Variants in SHANK2 observed in about 807,000 individuals in gnomAD.
The protein encoded by SHANK2 is SH3 and multiple ankyrin repeat domains 2.
SHANK2 carries 43 observed loss-of-function variants against 133.7 expected under a neutral mutation model. The ratio of observed to expected loss-of-function variants is 0.32; its 90% CI spans 0.25 to 0.41. The LOEUF (loss-of-function observed/expected upper bound fraction) is 0.41, where lower values mean the gene tolerates loss of function less well. SHANK2 is among the 10% of genes least tolerant of loss of function. The pLI is 1.00. For synonymous variants in SHANK2, 1,017 were observed against 952.8 expected (o/e 1.07, Z -1.24); for missense variants, 1,994 against 2,235.8 (o/e 0.89, Z 2.18).
intron 3 of SHANK2, among the ~76,000 whole-genome samples, chr11:71,123,342 A>C (rs1952113933): frequency 6.6e-6 from 1 of 152,238 alleles, no homozygotes; most frequent in Admixed American, 6.5e-5. Flanking sequence ...ACTGTCACAC[A>C]ATATGGAAAA....
At chr11:71,139,910 G>A (rs1173437838) in intron 3 of SHANK2, among the ~76,000 whole-genome samples, 1 of 152,224 alleles carries the variant, frequency 6.6e-6, no homozygotes, top group Non-Finnish European at 1.5e-5. Flanking sequence ...TCGGCCAGCA[G>A]CAGTGGGCCC....
chr11:70,547,505 C>T (rs2059710374), intron 17 of SHANK2, among the ~76,000 whole-genome samples: 1 of 152,168 alleles, frequency 6.6e-6, no homozygotes, highest in African/African-American at 2.4e-5. Flanking sequence ...GGGTGATCCA[C>T]CCACCTCACC....
intron 2 of SHANK2, among the ~76,000 whole-genome samples, chr11:71,171,134 T>TA (rs1172895000): frequency 6.6e-6 from 1 of 152,188 alleles, no homozygotes. Context: ...TCTCTTCTTC[T>TA]AGGTGCACTG....
At chr11:70,666,998 G>C (rs1267929840) in intron 15 of SHANK2, among the ~76,000 whole-genome samples, 1 of 152,032 alleles carries the variant, frequency 6.6e-6, no homozygotes, top group Non-Finnish European at 1.5e-5. Flanking sequence ...AAGGTGAAGG[G>C]GGTGGGCAAC....
At chr11:70,707,049 T>C (rs532759688) in intron 14 of SHANK2, among the ~76,000 whole-genome samples, 21 of 151,480 alleles carry the variant, frequency 1.4e-4, no homozygotes, top group African/African-American at 5.1e-4. Flanking sequence ...TAAGGATGGG[T>C]TGGGAGGAGG....
At chr11:70,942,669 T>A (rs1950664436) in intron 10 of SHANK2, 1 of 456,892 alleles carries the variant, frequency 2.2e-6, no homozygotes, top group Admixed American at 2.3e-5. Flanking sequence ...GGATTTACAT[T>A]CAGGGACAGA....
At chr11:71,197,934 G>A (rs1296203728) in intron 2 of SHANK2, among the ~76,000 whole-genome samples, 4 of 152,140 alleles carry the variant, frequency 2.6e-5, no homozygotes, top group Non-Finnish European at 5.9e-5. Context: ...AGAAGGAGTC[G>A]GGCACCCTGG....
chr11:70,886,359 T>C (rs80172314), intron 11 of SHANK2, among the ~76,000 whole-genome samples: 336 of 152,336 alleles, frequency 2.2e-3, no homozygotes, highest in African/African-American at 7.9e-3. Context: ...TTGACTTTCC[T>C]TGGGAGGGTT....
intron 2 of SHANK2, among the ~76,000 whole-genome samples, chr11:71,148,583 T>G (rs1952701091): frequency 6.6e-6 from 1 of 152,082 alleles, no homozygotes; most frequent in Non-Finnish European, 1.5e-5. Context: ...GTGCGTTCTG[T>G]GGGGAAGGAC....
chr11:71,183,127 TC>T (rs11304139), intron 2 of SHANK2, among the ~76,000 whole-genome samples: 54,008 of 151,928 alleles, frequency 0.36, 9,797 homozygotes, highest in South Asian at 0.5. Context: ...GATGGGATAC[TC>T]CCACAGACAA....
chr11:70,539,773 C>T (rs79744366), intron 17 of SHANK2, among the ~76,000 whole-genome samples: 144 of 152,144 alleles, frequency 9.5e-4, no homozygotes, highest in African/African-American at 3.3e-3. Flanking sequence ...GCTTCTCTCC[C>T]GGGGGGGCCG....
At chr11:70,564,321 C>T (rs1280930893) in intron 17 of SHANK2, among the ~76,000 whole-genome samples, 2 of 151,266 alleles carry the variant, frequency 1.3e-5, no homozygotes, top group Admixed American at 6.6e-5. Context: ...TGCAGTGGTG[C>T]GATCTCAGCT....
chr11:70,808,217 T>C (rs962860577), intron 12 of SHANK2, among the ~76,000 whole-genome samples: 8 of 152,148 alleles, frequency 5.3e-5, no homozygotes, highest in Non-Finnish European at 1.0e-4. Flanking sequence ...TATTTATTTA[T>C]TTGAGACAAA....
chr11:70,847,874 G>A (rs56327166), intron 11 of SHANK2, among the ~76,000 whole-genome samples: 2,764 of 152,362 alleles, frequency 0.018, 39 homozygotes, highest in Non-Finnish European at 0.029. Flanking sequence ...AGGGCTTGGA[G>A]ACGGTTCCCA....
At chr11:71,205,416 G>A (rs1343465183) in intron 2 of SHANK2, among the ~76,000 whole-genome samples, 3 of 152,170 alleles carry the variant, frequency 2.0e-5, no homozygotes, top group Non-Finnish European at 2.9e-5. Context: ...CCTGCTGGGC[G>A]CTCCTGCGAG....
intron 17 of SHANK2, among the ~76,000 whole-genome samples, chr11:70,641,805 C>A (rs1188714034): frequency 6.6e-6 from 1 of 152,224 alleles, no homozygotes. Flanking sequence ...GGCACGGACA[C>A]ACAATGTCTA....
intron 12 of SHANK2, among the ~76,000 whole-genome samples, chr11:70,809,732 C>T (rs1218109562): frequency 2.0e-5 from 3 of 152,150 alleles, no homozygotes; most frequent in Non-Finnish European, 2.9e-5. Context: ...TGTCCTGAAA[C>T]CATGGGGAGC....
intron 6 of SHANK2, among the ~76,000 whole-genome samples, chr11:71,103,033 C>T (rs141096395): frequency 9.8e-4 from 149 of 152,358 alleles, no homozygotes; most frequent in African/African-American, 3.5e-3. Context: ...GGAGCTCTCT[C>T]TGCCTCTTTT....
At chr11:70,797,872 C>T (rs1252096605) in intron 14 of SHANK2, among the ~76,000 whole-genome samples, 1 of 151,970 alleles carries the variant, frequency 6.6e-6, no homozygotes, top group Non-Finnish European at 1.5e-5. Context: ...CACACACACT[C>T]GGTACCATTT....
Sources: allele counts gnomAD v4.1 joint callset (sites outside exome capture counted in the v4.1 genomes callset), GRCh38; gene constraint gnomAD v4.1.1; transcripts MANE v1.5; gene names NCBI Gene and HGNC (gene_info 2026-07-23, HGNC 2026-07-21).